The following CENPE variants were observed in gnomAD, a reference collection of about 807,000 sequenced individuals.
The protein encoded by CENPE is centromere protein E, also known as centromere-associated protein E.
Under a neutral mutation model 336.1 loss-of-function variants are expected in CENPE, and 145 were observed. The ratio of observed to expected loss-of-function variants is 0.43; its 90% CI spans 0.38 to 0.50. The LOEUF (loss-of-function observed/expected upper bound fraction) is 0.50. CENPE is among the 20% of genes least tolerant of loss of function. CENPE has a pLI of 0.00. For synonymous variants in CENPE, 1,013 were observed against 984.8 expected (o/e 1.03, Z -0.54); for missense variants, 2,719 against 3,023.3 (o/e 0.90, Z 2.36).
chr4:103,182,725 T>G (rs770455554), intron 11 of CENPE, 37 bp downstream of exon 11: 1 of 1,521,584 alleles, frequency 6.6e-7, no homozygotes, highest in Non-Finnish European at 8.9e-7. Flanking sequence ...CAAGCTGATC[T>G]TCCCCTATAT....
At chr4:103,116,506 T>A in intron 45 of CENPE, 71 bp downstream of exon 45, 1 of 644,558 alleles carries the variant, frequency 1.6e-6, no homozygotes. Flanking sequence ...AGTTAACTAA[T>A]GAAAAGTATA....
intron 16 of CENPE, among the ~76,000 whole-genome samples, chr4:103,165,879 T>C (rs952090609): frequency 6.4e-5 from 9 of 139,802 alleles, no homozygotes; most frequent in Non-Finnish European, 1.2e-4. Context: ...CTTTGTGTTT[T>C]AAAAAAAAAA....
At chr4:103,121,844 C>T (rs1434573488) in intron 43 of CENPE, among the ~76,000 whole-genome samples, 1 of 152,092 alleles carries the variant, frequency 6.6e-6, no homozygotes, top group Non-Finnish European at 1.5e-5. Flanking sequence ...TACAGACTCA[C>T]ACACCTGGCC....
chr4:103,148,930 C>T lies in CENPE; in HGVS notation c.3757G>A (p.Glu1253Lys). The T allele has an allele frequency of 6.2e-7, 1 of 1,613,416 alleles. No individual in the cohort carries two copies. Among genetic ancestry groups the T allele is most frequent in the Non-Finnish European group, 8.5e-7 (1 of 1,179,546 alleles). Reference sequence around the variant, plus strand: ...TTCTCAGATACGCTTCTTCTTAGTTCATCAATAGTTTCTTGGTGTTCTTTT... The same window carrying T: ...TTCTCAGATACGCTTCTTCTTAGTTTATCAATAGTTTCTTGGTGTTCTTTT... ...HLKEHQETID[E>K]LRRSVSEKTA... Residue 1253 changes from glutamate (E) to lysine (K), a missense_variant, in exon 28 of 49, where the codon GAA becomes AAA. Physicochemically the swap from Glu to Lys is moderately conservative, Grantham distance 56. Transcript: ENST00000265148.
At chr4:103,132,956 T>TATATATATATATATATATA in intron 41 of CENPE, 60 bp from the exon 42 acceptor site, 1 of 159,558 alleles carries the variant, frequency 6.3e-6, no homozygotes, top group African/African-American at 7.6e-5. Context: ...TCCAAATATT[T>TATATATATATATATATATA]TATTTATATA....
chr4:103,180,829 C>T (rs1335237493), intron 12 of CENPE, among the ~76,000 whole-genome samples: 1 of 152,042 alleles, frequency 6.6e-6, no homozygotes, highest in Non-Finnish European at 1.5e-5. Flanking sequence ...ATAAGATTAC[C>T]ATTTGATATT....
In CENPE at chr4:103,116,251, TACAC is replaced by T. The variant is rs58894383; in HGVS notation, c.7442+322_7442+325del. On this transcript the variant is annotated intron_variant, in intron 45 of 48. Transcript: ENST00000265148. ...CAGAAGCCTTAGTAAAACTGCTAAATACACACACACACACACACACACACACTCT... is the reference window on the plus strand; with the variant it reads ...CAGAAGCCTTAGTAAAACTGCTAAATACACACACACACACACACACACTCT... 3.2e-4 allele frequency: 48 copies of T among 150,016 alleles called. 1 individual carries two copies. In the South Asian group the frequency reaches 5.4e-3, roughly 17 times the overall value. 9.3% of individuals were successfully genotyped at this position (150,016 alleles called of 1,614,324 possible).
intron 46 of CENPE, among the ~76,000 whole-genome samples, chr4:103,113,966 A>G (rs774021250): frequency 6.6e-6 from 1 of 152,038 alleles, no homozygotes; most frequent in Non-Finnish European, 1.5e-5. Context: ...TGACCAACAG[A>G]TCTAAAAAGT....
At chr4:103,115,871 C>T (rs1750057816) in intron 45 of CENPE, among the ~76,000 whole-genome samples, 1 of 151,946 alleles carries the variant, frequency 6.6e-6, no homozygotes, top group Non-Finnish European at 1.5e-5. Flanking sequence ...GCTGGGACTA[C>T]AGGCGCCTGC....
intron 46 of CENPE, among the ~76,000 whole-genome samples, chr4:103,111,626 TG>T (rs1749439712): frequency 6.6e-6 from 1 of 152,180 alleles, no homozygotes; most frequent in African/African-American, 2.4e-5. Context: ...GTGTGTGTGT[TG>T]GGGGTGATTC....
At chr4:103,181,307 A>C (rs1229755002) in intron 12 of CENPE, 30 bp downstream of exon 12, 11 of 1,436,310 alleles carry the variant, frequency 7.7e-6, no homozygotes, top group Non-Finnish European at 9.3e-6. Flanking sequence ...TGGTTCTTTC[A>C]ATTTAATGAA....
chr4:103,132,913 C>T lies in CENPE; in HGVS notation c.6721-17G>A, dbSNP rs560745288. 27 of 1,156,916 alleles carry T rather than the reference C, an allele frequency of 2.3e-5. No homozygotes were observed. Among genetic ancestry groups the T allele is most frequent in the South Asian group, 8.7e-5 (4 of 46,062 alleles). 71.7% of individuals were successfully genotyped at this position (1,156,916 alleles called of 1,614,324 possible). A position where few individuals can be genotyped will look rare whatever the true frequency, so the allele number is the denominator to read the frequency against. On this transcript the variant is annotated splice_polypyrimidine_tract_variant and intron_variant, in intron 41 of 48. Coordinates refer to ENST00000265148, the MANE Select transcript of CENPE (RefSeq NM_001813.3). ...GAGAATTTCCTGTGTGAAAAATAAG[C>T]GTCAAATTGTTTAAACATTAGGAAA...
In CENPE at chr4:103,195,912, T is replaced by C. The variant is rs1757696257; in HGVS notation, c.357+8A>G. The C allele has an allele frequency of 6.4e-7, 1 of 1,550,412 alleles. No homozygotes were observed. The highest frequency in any genetic ancestry group is 8.9e-7 in the Non-Finnish European group (1 of 1,122,080). On this transcript the variant is annotated splice_region_variant and intron_variant, in intron 4 of 48. Coordinates refer to ENST00000265148, the MANE Select transcript of CENPE (RefSeq NM_001813.3). ...TGTACGTACTAGAAATCCAGTTAAG[T>C]TACTTACCTTCTTAATTTTTTGGAA...
At chr4:103,183,659 C>A (rs1756508131) in intron 9 of CENPE, among the ~76,000 whole-genome samples, 1 of 151,992 alleles carries the variant, frequency 6.6e-6, no homozygotes, top group South Asian at 2.1e-4. Flanking sequence ...CCTCTAATTT[C>A]TTATTTTTAA....
chr4:103,183,973 A>T (rs1396038437), intron 9 of CENPE, among the ~76,000 whole-genome samples: 1 of 152,144 alleles, frequency 6.6e-6, no homozygotes, highest in Non-Finnish European at 1.5e-5. Context: ...ATTCTTTTTT[A>T]AAGTATAAAA....
chr4:103,142,005 G>C, intron 34 of CENPE, 97 bp from the exon 35 acceptor site: 1 of 753,260 alleles, frequency 1.3e-6, no homozygotes, highest in Non-Finnish European at 2.1e-6. Context: ...TAATAACACT[G>C]TTACTCTATA....
chr4:103,149,428 A>G lies in CENPE; in HGVS notation c.3397-20T>C, dbSNP rs762803400. On this transcript the variant is annotated intron_variant, in intron 26 of 48. Transcript: ENST00000265148. ...CTGGCTCTTAAAATGCACAATTTTT[A>G]TAATTACCATTTTACTTATATTCTC... 6.5e-6 allele frequency: 10 copies of G among 1,532,456 alleles called. No individual in the cohort carries two copies. The African/African-American group carries it at 9.7e-5, about 15-fold the overall frequency. 94.9% of individuals were successfully genotyped at this position (1,532,456 alleles called of 1,614,324 possible).
intron 29 of CENPE, among the ~76,000 whole-genome samples, chr4:103,147,042 G>A (rs961002649): frequency 3.3e-5 from 5 of 152,138 alleles, no homozygotes; most frequent in African/African-American, 9.6e-5. Flanking sequence ...TAAAGGAACA[G>A]GTTTAAAAAA....
Position 103,141,806 on chromosome 4 carries a change from T to C in CENPE, c.5407A>G (p.Lys1803Glu), listed in dbSNP as rs1179447963. ...AAATCTTTTTGCATATTTGATAGTT[T>C]ATCTGTCTTCTCAGAAACAATTCCT... ...LRGIVSEKTDKLSNMQKDLEN... is the reference protein window; with the variant it reads ...LRGIVSEKTDELSNMQKDLEN... The change falls in exon 35 of 49, where the codon AAA becomes GAA. Residue 1803 changes from lysine to glutamate, a missense_variant. Around this residue, in one of 5 missense-constraint regions of CENPE, gnomAD observed 2,437 missense variants for 2,513.3 expected, o/e 0.97. Coordinates refer to ENST00000265148, the MANE Select transcript of CENPE (RefSeq NM_001813.3). 2 of 1,576,636 alleles carry C rather than the reference T, an allele frequency of 1.3e-6. No individual in the cohort carries two copies. Among genetic ancestry groups the C allele is most frequent in the Non-Finnish European group, 1.7e-6 (2 of 1,149,962 alleles).
Sources: allele counts gnomAD v4.1 joint callset (sites outside exome capture counted in the v4.1 genomes callset), GRCh38; gene constraint gnomAD v4.1.1; regional missense constraint gnomAD v4.1.1; transcripts MANE v1.5; gene names NCBI Gene and HGNC (gene_info 2026-07-23, HGNC 2026-07-21).